The following C7orf78 variants were observed in gnomAD, a reference collection of about 807,000 sequenced individuals.
The protein encoded by C7orf78 is putative uncharacterized protein C7orf78.
At chr7:12,537,577 A>G in the C7orf78 span, among the ~76,000 whole-genome samples, 1 of 152,210 alleles carries the variant, frequency 6.6e-6, no homozygotes, top group South Asian at 2.1e-4. Flanking sequence ...CTAAAGTTGG[A>G]TGTATACATA....
chr7:12,489,118 A>C, the C7orf78 span, among the ~76,000 whole-genome samples: 2 of 152,108 alleles, frequency 1.3e-5, no homozygotes, highest in African/African-American at 4.8e-5. Context: ...GGCATATTAA[A>C]ATATCATTTT....
chr7:12,521,604 T>A, the C7orf78 span, among the ~76,000 whole-genome samples: 1 of 151,598 alleles, frequency 6.6e-6, no homozygotes, highest in Non-Finnish European at 1.5e-5. Context: ...GTTTAGGTTT[T>A]TTATCATGTC....
At chr7:12,537,418 G>T in the C7orf78 span, among the ~76,000 whole-genome samples, 7 of 152,228 alleles carry the variant, frequency 4.6e-5, no homozygotes, top group African/African-American at 1.7e-4. Context: ...CATGGGAATT[G>T]TGGGAGTTAC....
chr7:12,534,979 G>GAAGGAAGGAAGGAAGA, the C7orf78 span, among the ~76,000 whole-genome samples: 5 of 138,770 alleles, frequency 3.6e-5, no homozygotes, highest in East Asian at 1.0e-3. Flanking sequence ...AGGAAGGAGG[G>GAAGGAAGGAAGGAAGA]AAGGAAGGAA....
At chr7:12,494,623 T>C in the C7orf78 span, among the ~76,000 whole-genome samples, 2 of 43,314 alleles carry the variant, frequency 4.6e-5, no homozygotes, top group Non-Finnish European at 8.4e-5. Flanking sequence ...AGCCCTACTT[T>C]GTAAACAAAT....
At chr7:12,507,919 T>G in the C7orf78 span, among the ~76,000 whole-genome samples, 1 of 152,224 alleles carries the variant, frequency 6.6e-6, no homozygotes, top group Non-Finnish European at 1.5e-5. Context: ...TCTTTTCAGT[T>G]TGTGGGTTTT....
At chr7:12,521,386 T>C in the C7orf78 span, among the ~76,000 whole-genome samples, 1 of 152,068 alleles carries the variant, frequency 6.6e-6, no homozygotes, top group Non-Finnish European at 1.5e-5. Flanking sequence ...GTGTATCTAC[T>C]GTCATTTTTT....
chr7:12,497,703 T>C, the C7orf78 span, among the ~76,000 whole-genome samples: 729 of 151,526 alleles, frequency 4.8e-3, 11 homozygotes, highest in East Asian at 0.046. Context: ...ACAAAGCAGC[T>C]GGGAAGCTCG....
the C7orf78 span, among the ~76,000 whole-genome samples, chr7:12,503,415 C>T: frequency 0.17 from 25,318 of 151,494 alleles, 2,533 homozygotes; most frequent in African/African-American, 0.28. Flanking sequence ...TTGGGGGTAA[C>T]ATTCTGATAT....
chr7:12,507,016 G>A, the C7orf78 span: 5 of 446,512 alleles, frequency 1.1e-5, no homozygotes, highest in Non-Finnish European at 2.2e-5. Flanking sequence ...AAAAAAGCTA[G>A]AAAAGGGCCG....
At chr7:12,501,159 GA>G in the C7orf78 span, among the ~76,000 whole-genome samples, 8 of 135,290 alleles carry the variant, frequency 5.9e-5, no homozygotes, top group African/African-American at 2.3e-4. Context: ...CATTCCCTTT[GA>G]AAACTGGCAC....
the C7orf78 span, among the ~76,000 whole-genome samples, chr7:12,516,949 G>A: frequency 1.3e-5 from 2 of 152,182 alleles, no homozygotes; most frequent in South Asian, 2.1e-4. Context: ...ACTTTGGACT[G>A]TAGACTTTTG....
the C7orf78 span, among the ~76,000 whole-genome samples, chr7:12,521,092 C>T: frequency 6.6e-6 from 1 of 152,012 alleles, no homozygotes; most frequent in Non-Finnish European, 1.5e-5. Flanking sequence ...CCTTCATTTT[C>T]AGTCTATGTG....
chr7:12,539,522 G>A, the C7orf78 span, among the ~76,000 whole-genome samples: 2 of 152,072 alleles, frequency 1.3e-5, no homozygotes, highest in African/African-American at 2.4e-5. Flanking sequence ...CCTTAATTTG[G>A]ACAGAAGAGA....
chr7:12,537,538 T>A, the C7orf78 span, among the ~76,000 whole-genome samples: 4 of 152,206 alleles, frequency 2.6e-5, no homozygotes, highest in African/African-American at 9.7e-5. Flanking sequence ...TTGGAACAAG[T>A]ACTTTGGAAA....
At chr7:12,531,328 C>T in the C7orf78 span, among the ~76,000 whole-genome samples, 6 of 152,152 alleles carry the variant, frequency 3.9e-5, no homozygotes, top group African/African-American at 1.4e-4. Context: ...TTCCTACGTG[C>T]ATAATCACCT....
the C7orf78 span, among the ~76,000 whole-genome samples, chr7:12,534,032 A>G: frequency 6.6e-6 from 1 of 152,186 alleles, no homozygotes; most frequent in Non-Finnish European, 1.5e-5. Context: ...ATTTTTTACA[A>G]ATATTTGATA....
the C7orf78 span, among the ~76,000 whole-genome samples, chr7:12,512,917 G>C: frequency 1.8e-3 from 268 of 152,138 alleles, 1 homozygote; most frequent in African/African-American, 6.2e-3. Flanking sequence ...TATGCCTCCA[G>C]GAATTTTTCC....
the C7orf78 span, among the ~76,000 whole-genome samples, chr7:12,531,881 A>G: frequency 6.6e-6 from 1 of 152,142 alleles, no homozygotes; most frequent in Non-Finnish European, 1.5e-5. Flanking sequence ...ACATCGGAAA[A>G]AGGGGAAAGT....
Sources: gnomAD v4.1 joint callset for allele counts (sites outside exome capture counted in the v4.1 genomes callset) on GRCh38, gnomAD v4.1.1 for gene constraint, MANE v1.5 for transcripts, NCBI Gene and HGNC (gene_info 2026-07-23, HGNC 2026-07-21) for gene names.